The following BORCS5 variants were observed in gnomAD, a reference collection of about 807,000 sequenced individuals.
BORCS5 encodes the protein BLOC-1-related complex subunit 5.
A neutral mutation model predicts 22.1 loss-of-function variants in BORCS5; 17 were observed. The observed-to-expected ratio is 0.77, with a 90% CI of 0.53 to 1.15. BORCS5 has a LOEUF of 1.15. Ranked by LOEUF, BORCS5 falls within the 50% of genes most tolerant of loss-of-function variation. The probability of loss-of-function intolerance (pLI) is 0.00; values close to 1 mark genes in which losing one functional copy is unlikely to be tolerated. For synonymous variants in BORCS5, 117 were observed against 99.8 expected (o/e 1.17, Z -1.03); for missense variants, 247 against 253.2 (o/e 0.98, Z 0.17).
intron 2 of BORCS5, among the ~76,000 whole-genome samples, chr12:12,382,112 A>G (rs1003531506): frequency 6.6e-6 from 1 of 151,396 alleles, no homozygotes; most frequent in Non-Finnish European, 1.5e-5. Context: ...GCTATAAAGG[A>G]ATACCCGAGG....
intron 2 of BORCS5, among the ~76,000 whole-genome samples, chr12:12,403,322 A>C (rs988127661): frequency 6.6e-5 from 10 of 152,184 alleles, no homozygotes; most frequent in African/African-American, 1.7e-4. Context: ...ATTTCTCTTC[A>C]AAATATGTTC....
At chr12:12,414,118 C>T (rs1336752664) in intron 2 of BORCS5, among the ~76,000 whole-genome samples, 3 of 95,844 alleles carry the variant, frequency 3.1e-5, no homozygotes, top group East Asian at 5.5e-4. Flanking sequence ...GCTGACCCCC[C>T]CCACCTCCCT....
intron 2 of BORCS5, among the ~76,000 whole-genome samples, chr12:12,388,668 G>C (rs1177523368): frequency 6.7e-6 from 1 of 148,536 alleles, no homozygotes; most frequent in Non-Finnish European, 1.5e-5. Flanking sequence ...GGGTGGGGGG[G>C]ACATATAAGA....
At chr12:12,371,782 C>T (rs1863534436) in intron 2 of BORCS5, among the ~76,000 whole-genome samples, 1 of 152,218 alleles carries the variant, frequency 6.6e-6, no homozygotes, top group South Asian at 2.1e-4. Flanking sequence ...TTACACATCA[C>T]TGACACACCT....
At chr12:12,405,657 T>A (rs1941579727) in intron 2 of BORCS5, among the ~76,000 whole-genome samples, 1 of 152,212 alleles carries the variant, frequency 6.6e-6, no homozygotes, top group Non-Finnish European at 1.5e-5. Context: ...ATTCTTGAAA[T>A]ACAGTGTTTT....
intron 2 of BORCS5, among the ~76,000 whole-genome samples, chr12:12,385,330 C>T (rs1043362693): frequency 2.6e-5 from 4 of 151,320 alleles, no homozygotes; most frequent in Non-Finnish European, 5.9e-5. Context: ...CTGATGACAC[C>T]GCTGGATGTG....
intron 3 of BORCS5, among the ~76,000 whole-genome samples, chr12:12,464,466 C>A (rs1250517401): frequency 1.3e-5 from 2 of 152,106 alleles, no homozygotes; most frequent in Non-Finnish European, 1.5e-5. Flanking sequence ...GGGTGTTGAG[C>A]CCTTGTCCTG....
At chr12:12,438,664 G>A (rs887525847) in intron 3 of BORCS5, among the ~76,000 whole-genome samples, 5 of 152,042 alleles carry the variant, frequency 3.3e-5, no homozygotes, top group Non-Finnish European at 5.9e-5. Context: ...AAAAGAAGGC[G>A]GAGTAACACA....
At chr12:12,414,211 A>G (rs1437632623) in intron 2 of BORCS5, among the ~76,000 whole-genome samples, 10 of 64,998 alleles carry the variant, frequency 1.5e-4, no homozygotes, top group East Asian at 4.7e-4. Context: ...CGGGGGGCTG[A>G]CCCCCCCACC....
intron 2 of BORCS5, among the ~76,000 whole-genome samples, chr12:12,418,031 T>C (rs1045400215): frequency 1.6e-5 from 2 of 127,532 alleles, no homozygotes; most frequent in South Asian, 4.6e-4. Context: ...TTTATTTATT[T>C]ATTTATTTTT....
rs372936124 is a variant in BORCS5, at chr12:12,375,958, C to A, written c.202+14609C>A. ...TAGCTGGGATTCTAGGCGTCCACCA[C>A]CGCGCACAGCTAATTTCTGTATTTT... On this transcript the variant is annotated intron_variant, in intron 2 of 3. Coordinates refer to ENST00000314565, the MANE Select transcript of BORCS5 (RefSeq NM_058169.6). Among the ~76,000 whole-genome samples the A allele has an allele frequency of 2.0e-4, 30 of 152,076 alleles. No individual in the cohort carries two copies. The East Asian group carries it at 5.4e-3, about 28-fold the overall frequency.
intron 2 of BORCS5, among the ~76,000 whole-genome samples, chr12:12,407,420 G>A (rs778652169): frequency 2.6e-5 from 4 of 151,700 alleles, no homozygotes; most frequent in Admixed American, 1.3e-4. Flanking sequence ...TATTAGAGGG[G>A]TATTGTGGAA....
chr12:12,430,180 T>A (rs1942387087), intron 2 of BORCS5, among the ~76,000 whole-genome samples: 1 of 103,078 alleles, frequency 9.7e-6, no homozygotes, highest in African/African-American at 4.4e-5. Flanking sequence ...AGACAGAGTC[T>A]TGCTCTGTCA....
At chr12:12,372,476 G>T (rs1248487932) in intron 2 of BORCS5, among the ~76,000 whole-genome samples, 1 of 152,122 alleles carries the variant, frequency 6.6e-6, no homozygotes, top group African/African-American at 2.4e-5. Context: ...CCACCAAATT[G>T]TTGGGATTAC....
intron 3 of BORCS5, among the ~76,000 whole-genome samples, chr12:12,451,710 C>T (rs1179804181): frequency 6.6e-6 from 1 of 151,008 alleles, no homozygotes. Flanking sequence ...GGTGAAACCC[C>T]GTCTAATTTT....
intron 3 of BORCS5, among the ~76,000 whole-genome samples, chr12:12,463,096 G>C (rs1943140518): frequency 6.6e-6 from 1 of 152,160 alleles, no homozygotes; most frequent in Non-Finnish European, 1.5e-5. Flanking sequence ...GGCAAATAAG[G>C]ATATATCCCT....
intron 2 of BORCS5, among the ~76,000 whole-genome samples, chr12:12,368,966 T>C (rs572075684): frequency 6.6e-6 from 1 of 152,266 alleles, no homozygotes; most frequent in South Asian, 2.1e-4. Flanking sequence ...GGTCAAGAAA[T>C]GGTGATGTTC....
At chr12:12,454,002 A>G (rs1346005141) in intron 3 of BORCS5, among the ~76,000 whole-genome samples, 1 of 152,212 alleles carries the variant, frequency 6.6e-6, no homozygotes, top group East Asian at 1.9e-4. Context: ...GTTGTAGCTT[A>G]TATCAGTATC....
In BORCS5 at chr12:12,465,831, G is replaced by T. The variant is rs1033087891; in HGVS notation, c.*55G>T. 2 of 1,473,780 alleles carry T rather than the reference G, an allele frequency of 1.4e-6. No individual in the cohort carries two copies. The highest frequency in any genetic ancestry group is 2.8e-5 in the African/African-American group (2 of 72,032). 91.3% of individuals were successfully genotyped at this position (1,473,780 alleles called of 1,614,324 possible). On this transcript the variant is annotated 3_prime_UTR_variant, in exon 4 of 4. Coordinates refer to ENST00000314565, the MANE Select transcript of BORCS5 (RefSeq NM_058169.6). ...CCCCAGACACCGACACCCTGAGGAC[G>T]TGTGGAGCTAAGGTCATATCATCTG... is the stretch of plus-strand genomic sequence containing the variant.
Sources: allele counts gnomAD v4.1 joint callset (sites outside exome capture counted in the v4.1 genomes callset), GRCh38; gene constraint gnomAD v4.1.1; transcripts MANE v1.5; gene names NCBI Gene and HGNC (gene_info 2026-07-23, HGNC 2026-07-21).